The following CCDC92 variants were observed in gnomAD, a reference collection of about 807,000 sequenced individuals.
CCDC92 encodes coiled-coil domain-containing protein 92.
A neutral mutation model predicts 24.9 loss-of-function variants in CCDC92; 12 were observed. That is an observed-to-expected ratio of 0.48 (90% confidence interval 0.31 to 0.78). The LOEUF is 0.78. Ranked by LOEUF, CCDC92 falls within the 30% of genes least tolerant of loss-of-function variation. CCDC92 has a pLI of 0.05. For synonymous variants in CCDC92, 193 were observed against 196.3 expected, an observed-to-expected ratio of 0.98 and a Z score of 0.14; for missense variants, 399 against 439.4, an observed-to-expected ratio of 0.91 and a Z score of 0.82.
chr12:123,946,375 C>T (rs1218388273), intron 1 of CCDC92: 1 of 152,620 alleles, frequency 6.6e-6, no homozygotes, highest in Non-Finnish European at 1.5e-5. Context: ...CTCATGGCTC[C>T]TCCTCTGCCC....
At chr12:123,959,255 G>T (rs1362304062) in intron 1 of CCDC92, among the ~76,000 whole-genome samples, 1 of 152,154 alleles carries the variant, frequency 6.6e-6, no homozygotes, top group Non-Finnish European at 1.5e-5. Flanking sequence ...TTTCTGTGAT[G>T]ATGTAAATAT....
At chr12:123,965,810 G>C (rs2138192412) in intron 1 of CCDC92, among the ~76,000 whole-genome samples, 1 of 152,350 alleles carries the variant, frequency 6.6e-6, no homozygotes, top group African/African-American at 2.4e-5. Flanking sequence ...AATCATATGT[G>C]GGTGGCATGC....
At chr12:123,952,444 A>G (rs1351992046) in intron 1 of CCDC92, among the ~76,000 whole-genome samples, 2 of 152,236 alleles carry the variant, frequency 1.3e-5, no homozygotes, top group Non-Finnish European at 2.9e-5. Context: ...CTTTGAAACC[A>G]TCTATAGTAC....
intron 1 of CCDC92, among the ~76,000 whole-genome samples, chr12:123,955,034 C>T (rs760622663): frequency 8.4e-4 from 128 of 152,340 alleles, no homozygotes; most frequent in Middle Eastern, 3.4e-3. Context: ...TCCTGCCCTC[C>T]GTGCATCCTC....
At chr12:123,943,698 T>G in intron 2 of CCDC92, 1 of 612,344 alleles carries the variant, frequency 1.6e-6, no homozygotes, top group South Asian at 2.0e-5. Flanking sequence ...CAGCCTCTGC[T>G]TCCCGAACGC....
rs185214198 is a variant in CCDC92 at position 123,944,910 on chromosome 12, G to A, written c.-59-546C>T. On this transcript the variant is annotated intron_variant, in intron 1 of 4. Coordinates refer to ENST00000238156, the MANE Select transcript of CCDC92 (RefSeq NM_025140.3). ...CAGGACACGGCAAGTACAGTCTCGG[G>A]GGGCACCTCACCACGGGCAGTGATT... 2.6e-5 allele frequency: 4 copies of A among 152,120 alleles called. No homozygotes were observed. The East Asian group carries it at 7.7e-4, about 29-fold the overall frequency. The allele number at this position is 152,120 out of a possible 1,614,324, so 9.4% of individuals were successfully genotyped here. A position where few individuals can be genotyped will look rare whatever the true frequency, so the allele number is the denominator to read the frequency against.
chr12:123,938,008 C>T (rs991938084), intron 4 of CCDC92, among the ~76,000 whole-genome samples, 178 bp from the exon 5 acceptor site: 12 of 152,106 alleles, frequency 7.9e-5, no homozygotes, highest in African/African-American at 2.7e-4. Context: ...GTGGGGAGAT[C>T]GGGGCATCTC....
chr12:123,956,208 TTATTTATTTGGAATAACA>T (rs1956146993), intron 1 of CCDC92: 1 of 152,252 alleles, frequency 6.6e-6, no homozygotes, highest in Non-Finnish European at 1.5e-5. Context: ...TATTGAACAT[TTATTTATTTGGAATAACA>T]CAGCCTAAGT....
At chr12:123,959,763 C>A (rs7132798) in intron 1 of CCDC92, among the ~76,000 whole-genome samples, 254 of 151,180 alleles carry the variant, frequency 1.7e-3, no homozygotes, top group African/African-American at 6.1e-3. Context: ...AAATGTGGCT[C>A]ATGTGTCTGA....
At chr12:123,953,870 C>T (rs1289553992) in intron 1 of CCDC92, among the ~76,000 whole-genome samples, 3 of 151,712 alleles carry the variant, frequency 2.0e-5, no homozygotes, top group South Asian at 2.1e-4. Flanking sequence ...GCAAGAGAAT[C>T]GCTTGAACCC....
chr12:123,939,428 T>C (rs1955619353), intron 4 of CCDC92, among the ~76,000 whole-genome samples: 1 of 152,188 alleles, frequency 6.6e-6, no homozygotes, highest in Non-Finnish European at 1.5e-5. Context: ...CTCCTCGACT[T>C]AGCATGGGGT....
chr12:123,944,244 G>C, intron 2 of CCDC92, 28 bp downstream of exon 2: 1 of 1,441,750 alleles, frequency 6.9e-7, no homozygotes, highest in East Asian at 2.3e-5. Flanking sequence ...TCCAGCATCT[G>C]ATGCTCACTC....
intron 1 of CCDC92, among the ~76,000 whole-genome samples, chr12:123,969,550 C>G (rs1464401439): frequency 7.0e-6 from 1 of 142,314 alleles, no homozygotes; most frequent in Non-Finnish European, 1.5e-5. Context: ...CTCACTGCAA[C>G]CTCTGCCTCC....
chr12:123,943,960 G>T (rs553322256), intron 2 of CCDC92: 2 of 487,042 alleles, frequency 4.1e-6, no homozygotes, highest in African/African-American at 4.0e-5. Context: ...ACGCCCAAAA[G>T]ATTTCCCTGA....
At chr12:123,963,962 A>G (rs1594507531) in intron 1 of CCDC92, among the ~76,000 whole-genome samples, 1 of 152,362 alleles carries the variant, frequency 6.6e-6, no homozygotes, top group East Asian at 1.9e-4. Context: ...AAAACTCCTA[A>G]TATTTTATAT....
chr12:123,970,795 C>T (rs1450523849), intron 1 of CCDC92, among the ~76,000 whole-genome samples: 2 of 152,178 alleles, frequency 1.3e-5, no homozygotes, highest in Admixed American at 6.5e-5. Context: ...CATGACTTTT[C>T]TTGCCAGAAA....
At chr12:123,948,190 TG>T (rs1354792105) in intron 1 of CCDC92, among the ~76,000 whole-genome samples, 1 of 152,228 alleles carries the variant, frequency 6.6e-6, no homozygotes, top group Non-Finnish European at 1.5e-5. Context: ...CCCGCCATGA[TG>T]GCACAAAATG....
chr12:123,961,293 G>A (rs1956266829), intron 1 of CCDC92: 3 of 152,184 alleles, frequency 2.0e-5, no homozygotes, highest in African/African-American at 7.2e-5. Context: ...CCAGACACAT[G>A]GAGGTACCTA....
In CCDC92 at chr12:123,972,753, C is replaced by T. The variant is rs1956592731; in HGVS notation, c.-284G>A. The T allele has an allele frequency of 1.4e-5, 2 of 146,718 alleles. No individual in the cohort carries two copies. The allele number at this position is 146,718 out of a possible 1,614,324, so 9.1% of individuals were successfully genotyped here. ...ACCCCAGCGCTAGCCGCGGTGCACC[C>T]TGGGAGCGGGGCCGGCGGCGAGGCC... On this transcript the variant is annotated 5_prime_UTR_variant, in exon 1 of 5. Coordinates refer to ENST00000238156, the MANE Select transcript of CCDC92 (RefSeq NM_025140.3).
Sources: allele counts gnomAD v4.1 joint callset (sites outside exome capture counted in the v4.1 genomes callset), GRCh38; gene constraint gnomAD v4.1.1; transcripts MANE v1.5; gene names NCBI Gene and HGNC (gene_info 2026-07-23, HGNC 2026-07-21).